Variants in DDX10 observed in about 807,000 individuals in gnomAD.
The protein encoded by DDX10 is probable ATP-dependent RNA helicase DDX10.
A neutral mutation model predicts 104.3 loss-of-function variants in DDX10; 74 were observed. That is an observed-to-expected ratio of 0.71 (90% confidence interval 0.59 to 0.86). The LOEUF is 0.86. Ranked by LOEUF, DDX10 falls within the 40% of genes least tolerant of loss-of-function variation. DDX10 has a pLI of 0.00. For synonymous variants in DDX10, 351 were observed against 353.4 expected, an observed-to-expected ratio of 0.99 and a Z score of 0.08; for missense variants, 952 against 1,040.0, an observed-to-expected ratio of 0.92 and a Z score of 1.16.
Position 108,723,014 on chromosome 11 carries a change from T to C in DDX10, c.1517T>C (p.Val506Ala), listed in dbSNP as rs2094300285. ...TATTTAAGGTCTCTTGGTCTTGCTG[T>C]GGCACCACGCGTAAGATTTCTTCAG... ...PEYALSLGLA[V>A]APRVRFLQKM... Residue 506 changes from valine (V) to alanine (A), a missense_variant, in exon 13 of 18, where the codon GTG becomes GCG. Transcript: ENST00000322536. The C allele has an allele frequency of 3.1e-6, 5 of 1,608,410 alleles. No homozygotes were observed. Among genetic ancestry groups the C allele is most frequent in the Non-Finnish European group, 4.2e-6 (5 of 1,178,112 alleles).
At chr11:108,838,587 A>G in intron 14 of DDX10, 22 bp downstream of exon 14, 1 of 1,595,810 alleles carries the variant, frequency 6.3e-7, no homozygotes, top group South Asian at 1.1e-5. Flanking sequence ...GAAGTGTTTC[A>G]TTTCTGAGGT....
At chr11:108,910,724 CATGCGTGT>C (rs1323363396) in intron 16 of DDX10, among the ~76,000 whole-genome samples, 1 of 130,864 alleles carries the variant, frequency 7.6e-6, no homozygotes. Context: ...GAGGAGCGTG[CATGCGTGT>C]GTGTGTGTGT....
Position 108,757,545 on chromosome 11 carries a change from G to T in DDX10, c.1965+34083G>T, listed in dbSNP as rs2094345939. ...TGCTCCCAAGGGATTTCCTGTAAAA[G>T]CACAGTTAACTTCCTTGGTGTCAAC... is the stretch of plus-strand genomic sequence containing the variant. On this transcript the variant is annotated intron_variant, in intron 13 of 17. Transcript: ENST00000322536. Among the ~76,000 whole-genome samples, 4 of 152,136 alleles carry T rather than the reference G, an allele frequency of 2.6e-5. No individual in the cohort carries two copies. The South Asian group carries it at 8.3e-4, about 32-fold the overall frequency.
At chr11:108,800,701 G>C (rs1302084730) in intron 13 of DDX10, among the ~76,000 whole-genome samples, 1 of 152,154 alleles carries the variant, frequency 6.6e-6, no homozygotes, top group Non-Finnish European at 1.5e-5. Context: ...CAATATGTGA[G>C]ATTATGCTTT....
intron 13 of DDX10, among the ~76,000 whole-genome samples, chr11:108,764,130 A>G (rs1015177466): frequency 1.3e-5 from 2 of 152,202 alleles, no homozygotes; most frequent in Non-Finnish European, 2.9e-5. Context: ...AGATAGCAGC[A>G]AAATGAAGTT....
At chr11:108,919,262 A>C (rs777290112) in intron 17 of DDX10, 1 of 152,146 alleles carries the variant, frequency 6.6e-6, no homozygotes, top group Non-Finnish European at 1.5e-5. Context: ...GGTAGTGGAC[A>C]TCATTGTTTT....
At chr11:108,910,765 G>C (rs79034615) in intron 16 of DDX10, among the ~76,000 whole-genome samples, 154 of 98,564 alleles carry the variant, frequency 1.6e-3, no homozygotes, top group Middle Eastern at 5.5e-3. Context: ...GTGTGTGTGT[G>C]TGTGTGTGTG....
chr11:108,786,382 C>G (rs1366541390), intron 13 of DDX10, among the ~76,000 whole-genome samples: 2 of 150,234 alleles, frequency 1.3e-5, no homozygotes, highest in African/African-American at 2.4e-5. Flanking sequence ...GTTCAAGTAT[C>G]GAGTTTAAGT....
rs749722052 is a variant in DDX10 at position 108,723,034 on chromosome 11, C to A, written c.1537C>A (p.Leu513Ile). The A allele has an allele frequency of 6.2e-7, 1 of 1,611,548 alleles. No homozygotes were observed. Among genetic ancestry groups the A allele is most frequent in the Non-Finnish European group, 8.5e-7 (1 of 1,179,204 alleles). Residue 513 changes from leucine (L) to isoleucine (I), a missense_variant, in exon 13 of 18, where the codon CTT (leucine) becomes ATT (isoleucine). By Grantham distance (5) the Leu-to-Ile change is conservative. Transcript: ENST00000322536. The part of the protein sequence containing the change: ...GLAVAPRVRF[L>I]QKMQKQPTKE... The stretch of plus-strand genomic sequence containing the variant: ...TGCTGTGGCACCACGCGTAAGATTT[C>A]TTCAGAAAATGCAGAAACAACCCAC...
At chr11:108,805,269 G>A (rs987867401) in intron 13 of DDX10, among the ~76,000 whole-genome samples, 1 of 152,158 alleles carries the variant, frequency 6.6e-6, no homozygotes, top group Admixed American at 6.5e-5. Context: ...AAGCAGTTTC[G>A]GTGCCCTGCC....
chr11:108,928,923 G>A (rs1863942124), intron 17 of DDX10, among the ~76,000 whole-genome samples: 1 of 152,172 alleles, frequency 6.6e-6, no homozygotes, highest in Non-Finnish European at 1.5e-5. Flanking sequence ...TCCCCAGGTA[G>A]CACTAGGCCC....
At chr11:108,724,402 A>T (rs1331416511) in intron 13 of DDX10, among the ~76,000 whole-genome samples, 2 of 152,108 alleles carry the variant, frequency 1.3e-5, no homozygotes, top group Non-Finnish European at 2.9e-5. Context: ...CTATCTCATT[A>T]TACAGGTGAC....
chr11:108,781,150 C>T (rs571080239), intron 13 of DDX10, among the ~76,000 whole-genome samples: 3 of 152,134 alleles, frequency 2.0e-5, no homozygotes, highest in Non-Finnish European at 4.4e-5. Flanking sequence ...TAAGTGAGAA[C>T]ATGTGGCATT....
At chr11:108,726,569 G>T (rs2094305717) in intron 13 of DDX10, among the ~76,000 whole-genome samples, 1 of 152,002 alleles carries the variant, frequency 6.6e-6, no homozygotes, top group Admixed American at 6.5e-5. Flanking sequence ...GTTAGTTCTT[G>T]TGGCTTTTTG....
intron 16 of DDX10, among the ~76,000 whole-genome samples, chr11:108,909,638 T>C (rs1209376580): frequency 6.6e-6 from 1 of 152,098 alleles, no homozygotes; most frequent in Non-Finnish European, 1.5e-5. Flanking sequence ...TGGGAACCCG[T>C]GAATTTGTAG....
chr11:108,720,602 G>T (rs4753847), intron 12 of DDX10, among the ~76,000 whole-genome samples: 18,754 of 151,830 alleles, frequency 0.12, 1,544 homozygotes, highest in East Asian at 0.27. Context: ...GATTTTTTGC[G>T]GGGGAGGAGA....
chr11:108,924,380 A>G (rs975087596), intron 17 of DDX10, among the ~76,000 whole-genome samples: 2 of 152,284 alleles, frequency 1.3e-5, no homozygotes, highest in Non-Finnish European at 2.9e-5. Flanking sequence ...TACTGAGGCT[A>G]TTGTCCTCAT....
At chr11:108,671,176 T>G (rs2094216518) in intron 1 of DDX10, among the ~76,000 whole-genome samples, 1 of 152,206 alleles carries the variant, frequency 6.6e-6, no homozygotes, top group Non-Finnish European at 1.5e-5. Context: ...AAAGAGTTAT[T>G]TTTTTGAGGT....
intron 13 of DDX10, among the ~76,000 whole-genome samples, chr11:108,752,596 T>A (rs552563700): frequency 6.6e-6 from 1 of 152,170 alleles, no homozygotes; most frequent in Non-Finnish European, 1.5e-5. Context: ...ATGAATGTCA[T>A]GAATCAGTTG....
Sources: gnomAD v4.1 joint callset for allele counts (sites outside exome capture counted in the v4.1 genomes callset) on GRCh38, gnomAD v4.1.1 for gene constraint, MANE v1.5 for transcripts, NCBI Gene and HGNC (gene_info 2026-07-23, HGNC 2026-07-21) for gene names.